Variants in ADARB2 observed in about 807,000 individuals in gnomAD.
ADARB2 encodes the protein inactive double-stranded RNA-specific editase B2.
Under a neutral mutation model 62.2 loss-of-function variants are expected in ADARB2, and 25 were observed. That is an observed-to-expected ratio of 0.40 (90% confidence interval 0.29 to 0.56). The LOEUF (loss-of-function observed/expected upper bound fraction) is 0.56, where lower values mean the gene tolerates loss of function less well. Among genes scored for constraint, ADARB2 ranks in the 20% least tolerant of loss-of-function variants. ADARB2 has a pLI of 0.43. For synonymous variants in ADARB2, 572 were observed against 500.8 expected, an observed-to-expected ratio of 1.14 and a Z score of -1.90; for missense variants, 1,071 against 1,077.4, an observed-to-expected ratio of 0.99 and a Z score of 0.08.
chr10:1,300,676 A>G (rs1033475342), intron 3 of ADARB2, among the ~76,000 whole-genome samples: 12 of 152,346 alleles, frequency 7.9e-5, no homozygotes, highest in Admixed American at 5.9e-4. Flanking sequence ...GGCTTCATAG[A>G]TGCTCAGTAA....
At chr10:1,597,321 C>T (rs1833348950) in intron 1 of ADARB2, among the ~76,000 whole-genome samples, 1 of 152,098 alleles carries the variant, frequency 6.6e-6, no homozygotes, top group Admixed American at 6.5e-5. Flanking sequence ...TCCCAATTGA[C>T]AGAGTAAACA....
intron 2 of ADARB2, among the ~76,000 whole-genome samples, chr10:1,373,558 C>A (rs1362840099): frequency 6.6e-6 from 1 of 152,110 alleles, no homozygotes; most frequent in African/African-American, 2.4e-5. Context: ...TGTGTGTGTG[C>A]ATTATGTATA....
chr10:1,627,877 C>G (rs948289891), intron 1 of ADARB2, among the ~76,000 whole-genome samples: 8 of 152,184 alleles, frequency 5.3e-5, no homozygotes, highest in African/African-American at 1.9e-4. Context: ...GGTGCCAGCA[C>G]TTGAAGAGGT....
intron 8 of ADARB2, among the ~76,000 whole-genome samples, chr10:1,195,658 T>A (rs1462167462): frequency 6.6e-6 from 1 of 152,078 alleles, no homozygotes; most frequent in African/African-American, 2.4e-5. Flanking sequence ...AGCCTGAGGC[T>A]TCTGAATCCA....
chr10:1,264,134 A>G (rs1209362608), intron 4 of ADARB2, among the ~76,000 whole-genome samples: 1 of 152,170 alleles, frequency 6.6e-6, no homozygotes, highest in Admixed American at 6.5e-5. Flanking sequence ...ATTTCTCGGT[A>G]TCCACTTAGT....
At chr10:1,671,318 C>G (rs1052433560) in intron 1 of ADARB2, among the ~76,000 whole-genome samples, 3 of 152,200 alleles carry the variant, frequency 2.0e-5, no homozygotes, top group East Asian at 1.9e-4. Flanking sequence ...AGCACCTCAC[C>G]ACGGTTGCCC....
chr10:1,486,717 G>A (rs192914595), intron 1 of ADARB2, among the ~76,000 whole-genome samples: 5 of 152,272 alleles, frequency 3.3e-5, no homozygotes, highest in Admixed American at 3.3e-4. Flanking sequence ...AGAACTGAGG[G>A]TGACCAGGGT....
chr10:1,267,168 G>C (rs1042104824), intron 4 of ADARB2, among the ~76,000 whole-genome samples: 1 of 151,518 alleles, frequency 6.6e-6, no homozygotes, highest in African/African-American at 2.4e-5. Context: ...CCCCCTCCCG[G>C]GTAGGTGTGG....
intron 1 of ADARB2, among the ~76,000 whole-genome samples, chr10:1,657,012 T>TGC (rs1290372725): frequency 6.6e-6 from 1 of 151,560 alleles, no homozygotes; most frequent in Non-Finnish European, 1.5e-5. Context: ...TGTGTGTGTG[T>TGC]GTGTGTGTGT....
intron 3 of ADARB2, among the ~76,000 whole-genome samples, chr10:1,277,211 G>A (rs1208138568): frequency 6.6e-6 from 1 of 152,074 alleles, no homozygotes; most frequent in African/African-American, 2.4e-5. Context: ...AGACACAAGA[G>A]CAAACACATT....
intron 1 of ADARB2, among the ~76,000 whole-genome samples, chr10:1,457,833 T>A (rs987243632): frequency 7.4e-6 from 1 of 135,110 alleles, no homozygotes; most frequent in African/African-American, 2.7e-5. Flanking sequence ...GACCAGCTCG[T>A]CTTCATAGGT....
rs559166324 is a variant in ADARB2, at chr10:1,422,362, G to T, written c.101-43202C>A. Among the ~76,000 whole-genome samples the T allele has an allele frequency of 1.3e-3, 201 of 152,324 alleles. 2 individuals carry two copies. In the Middle Eastern group the frequency reaches 0.014, roughly 10 times the overall value. On this transcript the variant is annotated intron_variant, in intron 1 of 9. Coordinates refer to ENST00000381312, the MANE Select transcript of ADARB2 (RefSeq NM_018702.4). ...CCGAGGGTGGAATAAGGACTCGGGAGTGAGAGGGAGGCACTGTCAACACTT... is the reference window on the plus strand; with the variant it reads ...CCGAGGGTGGAATAAGGACTCGGGATTGAGAGGGAGGCACTGTCAACACTT...
intron 3 of ADARB2, among the ~76,000 whole-genome samples, chr10:1,329,514 A>G (rs986338806): frequency 6.6e-6 from 1 of 152,158 alleles, no homozygotes; most frequent in Non-Finnish European, 1.5e-5. Context: ...GGTTCTGTAG[A>G]AAATGTCTTT....
chr10:1,200,265 TG>T (rs1336499543), intron 7 of ADARB2, 118 bp from the exon 8 acceptor site: 21 of 1,391,448 alleles, frequency 1.5e-5, no homozygotes, highest in Non-Finnish European at 2.0e-5. Flanking sequence ...GTGCGGACCT[TG>T]GGGAGCTCCC....
intron 1 of ADARB2, among the ~76,000 whole-genome samples, chr10:1,432,931 T>A (rs1004857084): frequency 1.3e-5 from 2 of 152,000 alleles, no homozygotes; most frequent in African/African-American, 4.8e-5. Flanking sequence ...TCCTGAACAA[T>A]GAATACGTGG....
At chr10:1,218,211 C>T (rs1477443844) in intron 6 of ADARB2, among the ~76,000 whole-genome samples, 2 of 152,060 alleles carry the variant, frequency 1.3e-5, no homozygotes, top group African/African-American at 4.8e-5. Flanking sequence ...TCACCACACC[C>T]AGCTAATTTT....
intron 1 of ADARB2, among the ~76,000 whole-genome samples, chr10:1,719,608 G>A (rs1229213022): frequency 6.6e-6 from 1 of 152,178 alleles, no homozygotes; most frequent in Non-Finnish European, 1.5e-5. Context: ...CAGAGCAACA[G>A]ACAACCTACG....
At chr10:1,394,899 CCCTCCT>C (rs749243566) in intron 1 of ADARB2, 2 of 456,732 alleles carry the variant, frequency 4.4e-6, no homozygotes, top group South Asian at 3.1e-5. Flanking sequence ...TTTTCTTCCT[CCCTCCT>C]CCTCCTTCTT....
intron 3 of ADARB2, among the ~76,000 whole-genome samples, chr10:1,294,590 G>A (rs144425179): frequency 2.7e-3 from 411 of 152,244 alleles, no homozygotes; most frequent in African/African-American, 9.4e-3. Flanking sequence ...GGACTTCTCC[G>A]GCTCTGACAT....
Sources: gnomAD v4.1 joint callset for allele counts (sites outside exome capture counted in the v4.1 genomes callset) on GRCh38, gnomAD v4.1.1 for gene constraint, MANE v1.5 for transcripts, NCBI Gene and HGNC (gene_info 2026-07-23, HGNC 2026-07-21) for gene names.